Variants in OR10A6 observed in about 807,000 individuals in gnomAD.
The protein encoded by OR10A6 is olfactory receptor family 10 subfamily A member 6 (gene/pseudogene), also known as olfactory receptor 10A6.
Under a neutral mutation model 1.5 loss-of-function variants are expected in OR10A6, and 2 were observed. The observed-to-expected ratio is 1.31, with a 90% CI of 0.54 to 4.13. The LOEUF is 4.13. Ranked by LOEUF, OR10A6 falls within the 30% of genes most tolerant of loss-of-function variation. The probability of loss-of-function intolerance (pLI) is 0.07; values close to 1 mark genes in which losing one functional copy is unlikely to be tolerated. For missense variants in OR10A6, 492 were observed against 368.6 expected, an observed-to-expected ratio of 1.33 and a Z score of -2.74; for synonymous variants, 169 against 137.3, an observed-to-expected ratio of 1.23 and a Z score of -1.61.
rs761768492 is a variant in OR10A6 at position 7,928,549 on chromosome 11, G to A, written c.114C>T (p.Thr38=). 1.4e-5 allele frequency: 23 copies of A among 1,613,572 alleles called. No individual in the cohort carries two copies. The highest frequency in any genetic ancestry group is 1.9e-5 in the Non-Finnish European group (23 of 1,179,648). The change falls in exon 4 of 4, where the codon ACC becomes ACT. Residue 38 remains threonine (T), a synonymous_variant. Coordinates refer to ENST00000641238, the MANE Select transcript of OR10A6 (RefSeq NM_001004461.2). ...CTATAATAATGGCATTTCCTATCAG[G>A]GTCACCAGATAAATAACCAGGAAAG... The part of the protein sequence containing the change: ...FVAFLVIYLV[T]LIGNAIIIVI...
At position 7,928,030 on chromosome 11, in the gene OR10A6, G is replaced by A. The variant is rs1490653595; in HGVS notation, c.633C>T (p.Phe211=). ...TGTFLIILVP[F]LLILLSYIRV... is the part of the protein sequence containing the mutation. ...GAATGTAAGACAAGAGTATCAACAA[G>A]AAAGGAACCAAAATAATCAAAAAGG... The change falls in exon 4 of 4, where the codon TTC becomes TTT. Residue 211 remains phenylalanine, a synonymous_variant. Transcript: ENST00000641238. 1 of 1,613,920 alleles carries A rather than the reference G, an allele frequency of 6.2e-7. No individual in the cohort carries two copies. The highest frequency in any genetic ancestry group is 1.7e-5 in the Admixed American group (1 of 59,888).
At position 7,927,660 on chromosome 11, in the gene OR10A6, A is replaced by AAATTTATTT; in HGVS notation, c.*57_*58insAAATAAATT. ...CAAACTTAATGAATCTAAATTTATTAAATTTAGATTGAATACAGTCATGCA... is the reference window on the plus strand; with the variant it reads ...CAAACTTAATGAATCTAAATTTATTAAATTTATTTAATTTAGATTGAATACAGTCATGCA... On this transcript the variant is annotated 3_prime_UTR_variant, in exon 4 of 4. Transcript: ENST00000641238. 8.6e-7 allele frequency: 1 copy of AAATTTATTT among 1,159,680 alleles called. No individual in the cohort carries two copies. Among genetic ancestry groups the AAATTTATTT allele is most frequent in the African/African-American group, 1.5e-5 (1 of 64,898 alleles). The allele number at this position is 1,159,680 out of a possible 1,614,324, so 71.8% of individuals were successfully genotyped here.
Position 7,928,491 on chromosome 11 carries a change from G to T in OR10A6, c.172C>A (p.Pro58Thr). Residue 58 changes from proline (P) to threonine (T), a missense_variant, in exon 4 of 4, where the codon CCC (proline) becomes ACC (threonine). By Grantham distance (38) the Pro-to-Thr change is conservative. Transcript: ENST00000641238. ...AAGTTCAGGAGAAACAGGTACATGG[G>T]AACGTGGAGGCTCTGGTCTAGGGAG... ...IVSLDQSLHV[P>T]MYLFLLNLSV... 6.2e-7 allele frequency: 1 copy of T among 1,613,902 alleles called. No homozygotes were observed. The highest frequency in any genetic ancestry group is 8.5e-7 in the Non-Finnish European group (1 of 1,179,900).
chr11:7,927,646 A>C lies in OR10A6; in HGVS notation c.*72T>G. The C allele has an allele frequency of 1.8e-6, 2 of 1,082,384 alleles. No individual in the cohort carries two copies. Among genetic ancestry groups the C allele is most frequent in the Non-Finnish European group, 2.7e-6 (2 of 748,994 alleles). 67.0% of individuals were successfully genotyped at this position (1,082,384 alleles called of 1,614,324 possible). On this transcript the variant is annotated 3_prime_UTR_variant, in exon 4 of 4. Transcript: ENST00000641238. ...CATGCCAAAAAATGCAAACTTAATG[A>C]ATCTAAATTTATTAAATTTAGATTG...
In OR10A6 at chr11:7,930,526, T is replaced by C. The variant is rs936963675; in HGVS notation, c.-1853-11A>G. 1 of 152,150 alleles carries C rather than the reference T, an allele frequency of 6.6e-6. No homozygotes were observed. Among genetic ancestry groups the C allele is most frequent in the African/African-American group, 2.4e-5 (1 of 41,444 alleles). The allele number at this position is 152,150 out of a possible 1,614,324, so 9.4% of individuals were successfully genotyped here. On this transcript the variant is annotated splice_polypyrimidine_tract_variant and intron_variant, in intron 3 of 3. Transcript: ENST00000641238. ...GTCTTGAGTGCAGACCTGTAGGACA[T>C]TAGCAGACAGGAGAAGACAAGTTAC...
rs756230826 is a variant in OR10A6, at chr11:7,929,974, A to ATGTGTATG, written c.-1313_-1312insCATACACA. 1 of 39,438 alleles carries ATGTGTATG rather than the reference A, an allele frequency of 2.5e-5. No homozygotes were observed. Among genetic ancestry groups the ATGTGTATG allele is most frequent in the East Asian group, 1.1e-3 (1 of 880 alleles). The allele number at this position is 39,438 out of a possible 1,614,324, so 2.4% of individuals were successfully genotyped here. A position where few individuals can be genotyped will look rare whatever the true frequency, so the allele number is the denominator to read the frequency against. Reference sequence around the variant, plus strand: ...GGTATGTGTATGTGTATGTATATATATATATATATATATATATATAAAATC... The same window carrying ATGTGTATG: ...GGTATGTGTATGTGTATGTATATATATGTGTATGTATATATATATATATATATAAAATC... On this transcript the variant is annotated 5_prime_UTR_variant, in exon 4 of 4. Transcript: ENST00000641238.
chr11:7,927,701 A>G lies in OR10A6; in HGVS notation c.*17T>C, dbSNP rs535330437. On this transcript the variant is annotated 3_prime_UTR_variant, in exon 4 of 4. Transcript: ENST00000641238. ...CAGTCATGCAGTGACTAAATCTTAC[A>G]TGGCTTCTCAACACAGTCAGATTGT... 3 of 1,536,274 alleles carry G rather than the reference A, an allele frequency of 2.0e-6. No homozygotes were observed. Among genetic ancestry groups the G allele is most frequent in the South Asian group, 1.1e-5 (1 of 88,128 alleles).
At position 7,928,741 on chromosome 11, in the gene OR10A6, C is replaced by G; in HGVS notation, c.-79G>C. The G allele has an allele frequency of 9.7e-7, 1 of 1,033,670 alleles. No individual in the cohort carries two copies. Among genetic ancestry groups the G allele is most frequent in the Non-Finnish European group, 1.3e-6 (1 of 745,054 alleles). 64.0% of individuals were successfully genotyped at this position (1,033,670 alleles called of 1,614,324 possible). On this transcript the variant is annotated 5_prime_UTR_variant, in exon 4 of 4. Coordinates refer to ENST00000641238, the MANE Select transcript of OR10A6 (RefSeq NM_001004461.2). ...AGCCACAGTCCATTAGCTAAGAGTT[C>G]CAGTCTGCATTCACCCCAGAAATTC...
Position 7,928,345 on chromosome 11 carries a change from A to T in OR10A6, c.318T>A (p.Leu106=). The T allele has an allele frequency of 6.2e-7, 1 of 1,614,030 alleles. No homozygotes were observed. Among genetic ancestry groups the T allele is most frequent in the Non-Finnish European group, 8.5e-7 (1 of 1,179,938 alleles). ...GAAGAAAACATTCAGCCCCACCAAA[A>T]AGAAGGATGAAATACATCTGTGCAA... The part of the protein sequence containing the change: ...GCFAQMYFIL[L]FGGAECFLLG... The change falls in exon 4 of 4, where the codon CTT becomes CTA. Residue 106 remains leucine, a synonymous_variant. Transcript: ENST00000641238.
rs1433020713 is a variant in OR10A6 at position 7,929,962 on chromosome 11, G to GTGTATATATATATA, written c.-1301_-1300insTATATATATATACA. The GTGTATATATATATA allele has an allele frequency of 1.7e-3, 43 of 24,790 alleles. 3 individuals carry two copies. Among genetic ancestry groups the GTGTATATATATATA allele is most frequent in the African/African-American group, 6.6e-3 (38 of 5,736 alleles). The allele number at this position is 24,790 out of a possible 1,614,324, so 1.5% of individuals were successfully genotyped here. On this transcript the variant is annotated 5_prime_UTR_variant, in exon 4 of 4. Transcript: ENST00000641238. Reference sequence around the variant, plus strand: ...AAGCTCTAGTAAGGTATGTGTATGTGTATGTATATATATATATATATATAT... The same window carrying GTGTATATATATATA: ...AAGCTCTAGTAAGGTATGTGTATGTGTGTATATATATATATATGTATATATATATATATATATAT...
chr11:7,928,394 GT>G lies in OR10A6; in HGVS notation c.268del (p.Thr90LeufsTer45). On this transcript the variant is annotated frameshift_variant, in exon 4 of 4. Coordinates refer to ENST00000641238, the MANE Select transcript of OR10A6 (RefSeq NM_001004461.2). LOFTEE classifies it low-confidence loss of function (END_TRUNC). ...AAAACAGCCCCCAAAAGAAATTGTA[GT>G]TTTTTCAGTAGAGAGGACCACCAGC... Reference protein sequence around the residue: ...EMLVVLSTEKTTISFGGCFAQ... With the variant: ...EMLVVLSTEKXTISFGGCFAQ... 3 of 1,613,956 alleles carry G rather than the reference GT, an allele frequency of 1.9e-6. No individual in the cohort carries two copies. The highest frequency in any genetic ancestry group is 1.7e-6 in the Non-Finnish European group (2 of 1,179,948).
In OR10A6 at chr11:7,928,157, C is replaced by T. The variant is rs1589978838; in HGVS notation, c.506G>A (p.Cys169Tyr). 6.2e-7 allele frequency: 1 copy of T among 1,613,814 alleles called. No individual in the cohort carries two copies. The highest frequency in any genetic ancestry group is 2.2e-5 in the East Asian group (1 of 44,864). Residue 169 changes from cysteine (C) to tyrosine (Y), a missense_variant, in exon 4 of 4, where the codon TGT becomes TAT. Cys to Tyr is a radical substitution (Grantham distance 194, BLOSUM62 -2). Transcript: ENST00000641238. ...TATATGGTTAATTTCATTAAGGCCA[C>T]AAAAGGGAAAACTAGATACCCATGA... ...QTSWVSSFPF[C>Y]GLNEINHISC... is the part of the protein sequence containing the mutation.
At chr11:7,930,800 T>C (rs1301423371) in intron 3 of OR10A6, 61 bp downstream of exon 3, 1 of 152,058 alleles carries the variant, frequency 6.6e-6, no homozygotes, top group Non-Finnish European at 1.5e-5. Context: ...AAATAGAAAA[T>C]CTTTATACCT....
chr11:7,930,377 A>T lies in OR10A6; in HGVS notation c.-1715T>A, dbSNP rs963363794. The stretch of plus-strand genomic sequence containing the variant: ...AAGTCAGGAGGCACTTGGTGACACC[A>T]TAAAACTAGAATGGAAGCCTACTGC... On this transcript the variant is annotated 5_prime_UTR_variant, in exon 4 of 4. An upstream start codon of the reference 5' UTR is lost. Coordinates refer to ENST00000641238, the MANE Select transcript of OR10A6 (RefSeq NM_001004461.2). 1 of 152,048 alleles carries T rather than the reference A, an allele frequency of 6.6e-6. No homozygotes were observed. The highest frequency in any genetic ancestry group is 1.5e-5 in the Non-Finnish European group (1 of 68,014). The allele number at this position is 152,048 out of a possible 1,614,324, so 9.4% of individuals were successfully genotyped here. A position where few individuals can be genotyped will look rare whatever the true frequency, so the allele number is the denominator to read the frequency against.
chr11:7,928,172 G>T lies in OR10A6; in HGVS notation c.491C>A (p.Ser164Tyr). ...ATTAAGGCCACAAAAGGGAAAACTAGATACCCATGATGTTTGAACAGTACC... is the reference window on the plus strand; with the variant it reads ...ATTAAGGCCACAAAAGGGAAAACTATATACCCATGATGTTTGAACAGTACC... ...MLGTVQTSWV[S>Y]SFPFCGLNEI... The change falls in exon 4 of 4, where the codon TCT (serine) becomes TAT (tyrosine). Residue 164 changes from serine (S) to tyrosine (Y), a missense_variant. Transcript: ENST00000641238. The T allele has an allele frequency of 6.2e-7, 1 of 1,613,622 alleles. No homozygotes were observed. Among genetic ancestry groups the T allele is most frequent in the Non-Finnish European group, 8.5e-7 (1 of 1,179,716 alleles).
In OR10A6 at chr11:7,930,897, T is replaced by C. The variant is rs1240510513; in HGVS notation, c.-1882-8A>G. 6.6e-6 allele frequency: 1 copy of C among 152,202 alleles called. No individual in the cohort carries two copies. The highest frequency in any genetic ancestry group is 1.5e-5 in the Non-Finnish European group (1 of 68,034). The allele number at this position is 152,202 out of a possible 1,614,324, so 9.4% of individuals were successfully genotyped here. A position where few individuals can be genotyped will look rare whatever the true frequency, so the allele number is the denominator to read the frequency against. ...CCTCCCCAAGGCTTCAGCCTGCCAA[T>C]GGAAAGAGGTAAGTGTTGAACTTAC... On this transcript the variant is annotated splice_region_variant and splice_polypyrimidine_tract_variant and intron_variant, in intron 2 of 3. Transcript: ENST00000641238.
Position 7,929,142 on chromosome 11 carries a change from T to C in OR10A6, c.-480A>G, listed in dbSNP as rs1201381964. 6.6e-6 allele frequency: 1 copy of C among 152,626 alleles called. No homozygotes were observed. The highest frequency in any genetic ancestry group is 1.5e-5 in the Non-Finnish European group (1 of 68,316). 9.5% of individuals were successfully genotyped at this position (152,626 alleles called of 1,614,324 possible). On this transcript the variant is annotated 5_prime_UTR_variant, in exon 4 of 4. Transcript: ENST00000641238. ...ATCCAATGTTACAGCATATTTGATA[T>C]AAACTTATTTAAAATATTAATTAGA...
chr11:7,928,061 G>C lies in OR10A6; in HGVS notation c.602C>G (p.Thr201Arg). 6.2e-7 allele frequency: 1 copy of C among 1,613,946 alleles called. No individual in the cohort carries two copies. The highest frequency in any genetic ancestry group is 8.5e-7 in the Non-Finnish European group (1 of 1,179,978). The change falls in exon 4 of 4, where the codon ACA (threonine) becomes AGA (arginine). Residue 201 changes from threonine to arginine, a missense_variant. Transcript: ENST00000641238. ...DTFLFEIYAF[T>R]GTFLIILVPF... The stretch of plus-strand genomic sequence containing the variant: ...AACCAAAATAATCAAAAAGGTGCCT[G>C]TGAATGCATAGATTTCAAACAAAAA...
At position 7,928,132 on chromosome 11, in the gene OR10A6, T is replaced by C. The variant is rs753420061; in HGVS notation, c.531A>G (p.Ile177Met). 48 of 1,613,914 alleles carry C rather than the reference T, an allele frequency of 3.0e-5. No homozygotes were observed. The highest frequency in any genetic ancestry group is 3.7e-5 in the Non-Finnish European group (44 of 1,180,002). The change falls in exon 4 of 4, where the codon ATA becomes ATG. Residue 177 changes from isoleucine to methionine, a missense_variant. By Grantham distance (10) the Ile-to-Met change is conservative. Transcript: ENST00000641238. ...PFCGLNEINH[I>M]SCETPAVLEL... Reference sequence around the variant, plus strand: ...CTAACACTGCTGGGGTTTCACAAGATATATGGTTAATTTCATTAAGGCCAC... The same window carrying C: ...CTAACACTGCTGGGGTTTCACAAGACATATGGTTAATTTCATTAAGGCCAC...
Sources: gnomAD v4.1 joint callset for allele counts on GRCh38, gnomAD v4.1.1 for gene constraint, MANE v1.5 for transcripts, NCBI Gene and HGNC (gene_info 2026-07-23, HGNC 2026-07-21) for gene names.